Variants in ZNF804B observed in about 807,000 individuals in gnomAD.
ZNF804B encodes zinc finger 804B.
A neutral mutation model predicts 101.4 loss-of-function variants in ZNF804B; 80 were observed. The observed-to-expected ratio is 0.79, with a 90% CI of 0.66 to 0.95. The LOEUF (loss-of-function observed/expected upper bound fraction) is 0.95. ZNF804B is among the 40% of genes least tolerant of loss of function. The pLI is 0.00. For synonymous variants in ZNF804B, 622 were observed against 558.8 expected (o/e 1.11, Z -1.59); for missense variants, 1,673 against 1,561.9 (o/e 1.07, Z -1.20).
At chr7:89,059,914 G>A (rs1789352932) in intron 1 of ZNF804B, among the ~76,000 whole-genome samples, 2 of 151,788 alleles carry the variant, frequency 1.3e-5, no homozygotes, top group Admixed American at 6.6e-5. Context: ...TGGGCCTGGA[G>A]AGAATGAATA....
chr7:89,045,117 A>G (rs190415810), intron 1 of ZNF804B, among the ~76,000 whole-genome samples: 54 of 152,358 alleles, frequency 3.5e-4, no homozygotes, highest in Admixed American at 3.5e-3. Flanking sequence ...GAACAAAGGT[A>G]CATCTCAGGC....
At chr7:89,063,568 A>T (rs780767891) in intron 1 of ZNF804B, among the ~76,000 whole-genome samples, 5 of 152,144 alleles carry the variant, frequency 3.3e-5, no homozygotes, top group Non-Finnish European at 5.9e-5. Flanking sequence ...AAGGTGGGAA[A>T]CTGGGGGAAG....
intron 1 of ZNF804B, 110 bp from the exon 2 acceptor site, chr7:89,218,045 C>A: frequency 9.1e-7 from 1 of 1,095,354 alleles, no homozygotes; most frequent in African/African-American, 1.6e-5. Flanking sequence ...TCCCAGAAAA[C>A]AATGTGCTCC....
intron 1 of ZNF804B, among the ~76,000 whole-genome samples, chr7:89,135,940 T>C (rs1442688403): frequency 2.0e-5 from 3 of 152,112 alleles, no homozygotes; most frequent in Non-Finnish European, 2.9e-5. Context: ...TAATATTCTT[T>C]ATTGATAGAT....
chr7:88,887,304 GTT>G (rs1167310276), intron 1 of ZNF804B, among the ~76,000 whole-genome samples: 4 of 130,162 alleles, frequency 3.1e-5, no homozygotes, highest in Non-Finnish European at 6.4e-5. Context: ...TTGTAAATTT[GTT>G]TAAGTTCCAT....
chr7:89,279,701 C>G (rs559810355), intron 2 of ZNF804B, among the ~76,000 whole-genome samples: 2 of 151,976 alleles, frequency 1.3e-5, no homozygotes, highest in Non-Finnish European at 2.9e-5. Flanking sequence ...AGGGATGAAG[C>G]CCACTTGATC....
At chr7:88,960,735 C>T (rs1160289228) in intron 1 of ZNF804B, among the ~76,000 whole-genome samples, 5 of 151,206 alleles carry the variant, frequency 3.3e-5, no homozygotes, top group African/African-American at 7.3e-5. Context: ...CTGAATTCCA[C>T]GAGCTTTGTG....
intron 1 of ZNF804B, among the ~76,000 whole-genome samples, chr7:88,831,022 T>A (rs1443868928): frequency 1.3e-5 from 2 of 151,920 alleles, no homozygotes; most frequent in African/African-American, 4.8e-5. Flanking sequence ...TTATTTAGAT[T>A]AAAAAATTTT....
intron 1 of ZNF804B, among the ~76,000 whole-genome samples, chr7:89,169,156 A>C (rs1791188844): frequency 6.6e-6 from 1 of 152,084 alleles, no homozygotes; most frequent in Non-Finnish European, 1.5e-5. Flanking sequence ...GGAGGAGTGA[A>C]AGTCAATGGC....
At chr7:89,153,375 T>G (rs1193884126) in intron 1 of ZNF804B, among the ~76,000 whole-genome samples, 2 of 151,324 alleles carry the variant, frequency 1.3e-5, no homozygotes, top group East Asian at 3.9e-4. Context: ...CCGGTGAATC[T>G]GCTTCTTTTT....
intron 2 of ZNF804B, among the ~76,000 whole-genome samples, chr7:89,324,695 C>T (rs577103317): frequency 2.0e-5 from 3 of 146,506 alleles, no homozygotes; most frequent in Non-Finnish European, 4.5e-5. Flanking sequence ...GGCTAAAACA[C>T]TTTATCATTT....
intron 1 of ZNF804B, among the ~76,000 whole-genome samples, chr7:89,044,970 A>G (rs1789080851): frequency 1.3e-5 from 2 of 152,250 alleles, no homozygotes; most frequent in Admixed American, 6.5e-5. Flanking sequence ...CCTTCACAGT[A>G]GCCCCATCCA....
chr7:89,232,462 A>G (rs558295936), intron 2 of ZNF804B, among the ~76,000 whole-genome samples: 10 of 152,228 alleles, frequency 6.6e-5, no homozygotes, highest in East Asian at 1.9e-4. Flanking sequence ...TGCTCTTCCA[A>G]TTCCTGAGTT....
intron 1 of ZNF804B, among the ~76,000 whole-genome samples, chr7:89,113,031 G>A (rs543711863): frequency 6.7e-4 from 102 of 152,284 alleles, no homozygotes; most frequent in African/African-American, 2.3e-3. Flanking sequence ...ATTGCTTATG[G>A]AGAAAATAGA....
At chr7:89,174,424 G>C (rs6955748) in intron 1 of ZNF804B, among the ~76,000 whole-genome samples, 61,887 of 151,786 alleles carry the variant, frequency 0.41, 13,190 homozygotes, top group Non-Finnish European at 0.47. Context: ...ATGACAGGAT[G>C]TCATCCCTTT....
Position 88,776,559 on chromosome 7 carries a change from TG to T in ZNF804B, c.108+16476del, listed in dbSNP as rs1303111779. Among the ~76,000 whole-genome samples the T allele has an allele frequency of 3.3e-4, 45 of 135,830 alleles. 1 individual carries two copies. The highest frequency in any genetic ancestry group is 6.9e-4 in the East Asian group (3 of 4,324). 89.1% of individuals were successfully genotyped at this position (135,830 alleles called of 152,430 possible). ...GGCTTTTCTATTTCTCGTGGTGTTT[TG>T]TTTTTTTTTTTTTTTTTTTTTCAGA... On this transcript the variant is annotated intron_variant, in intron 1 of 3. Transcript: ENST00000333190.
At chr7:89,325,480 A>T (rs1293858714) in intron 2 of ZNF804B, among the ~76,000 whole-genome samples, 2 of 152,056 alleles carry the variant, frequency 1.3e-5, no homozygotes, top group Non-Finnish European at 2.9e-5. Context: ...ACATTTTTAC[A>T]CTTCATAGTA....
intron 1 of ZNF804B, among the ~76,000 whole-genome samples, chr7:88,874,102 G>A (rs145504045): frequency 6.6e-6 from 1 of 151,690 alleles, no homozygotes. Context: ...CTACCCATGA[G>A]CATGGAATGT....
chr7:88,854,527 T>TTCCTTCCTTCC (rs1554340248), intron 1 of ZNF804B, among the ~76,000 whole-genome samples: 4 of 40,072 alleles, frequency 1.0e-4, no homozygotes, highest in South Asian at 1.1e-3. Flanking sequence ...CTTTCCTTCC[T>TTCCTTCCTTCC]TTCCTTCCTT....
Sources: gnomAD v4.1 joint callset for allele counts (sites outside exome capture counted in the v4.1 genomes callset) on GRCh38, gnomAD v4.1.1 for gene constraint, MANE v1.5 for transcripts, NCBI Gene and HGNC (gene_info 2026-07-23, HGNC 2026-07-21) for gene names.